Variants in TFDP2 observed in about 807,000 individuals in gnomAD.
TFDP2 encodes transcription factor Dp-2, also known as transcription factor Dp-2 (E2F dimerization partner 2).
Under a neutral mutation model 59.3 loss-of-function variants are expected in TFDP2, and 17 were observed. The ratio of observed to expected loss-of-function variants is 0.29; its 90% CI spans 0.20 to 0.43. The LOEUF (loss-of-function observed/expected upper bound fraction) is 0.43. TFDP2 is among the 20% of genes least tolerant of loss of function. The pLI is 1.00. For synonymous variants in TFDP2, 180 were observed against 194.7 expected, an observed-to-expected ratio of 0.92 and a Z score of 0.63; for missense variants, 391 against 528.8, an observed-to-expected ratio of 0.74 and a Z score of 2.56.
chr3:142,130,039 C>T (rs561133664), intron 1 of TFDP2, among the ~76,000 whole-genome samples: 70 of 152,044 alleles, frequency 4.6e-4, no homozygotes, highest in African/African-American at 1.6e-3. Context: ...GGCAGTTTCT[C>T]AAAAACGTAA....
At position 142,059,211 on chromosome 3, in the gene TFDP2, G is replaced by A. The variant is rs116338105; in HGVS notation, c.82+33850C>T. Among the ~76,000 whole-genome samples, 344 of 152,024 alleles carry A rather than the reference G, an allele frequency of 2.3e-3. 4 individuals carry two copies. The highest frequency in any genetic ancestry group is 7.8e-3 in the African/African-American group (322 of 41,400). ...TAAATTGATACATGTATCAAACAAAGCCCTGAAGCTTCAGGCCTAAGCCTC... is the reference window on the plus strand; with the variant it reads ...TAAATTGATACATGTATCAAACAAAACCCTGAAGCTTCAGGCCTAAGCCTC... On this transcript the variant is annotated intron_variant, in intron 3 of 12. Coordinates refer to ENST00000489671, the MANE Select transcript of TFDP2 (RefSeq NM_001178139.2).
At chr3:142,002,626 T>C (rs1046785225) in intron 4 of TFDP2, among the ~76,000 whole-genome samples, 3 of 152,056 alleles carry the variant, frequency 2.0e-5, no homozygotes, top group Non-Finnish European at 4.4e-5. Context: ...TCTCTATAGC[T>C]CTCCTTTTCT....
chr3:142,101,735 A>AT lies in TFDP2; in HGVS notation c.14dup (p.Asn5LysfsTer100). 1 of 1,364,822 alleles carries AT rather than the reference A, an allele frequency of 7.3e-7. No individual in the cohort carries two copies. Among genetic ancestry groups the AT allele is most frequent in the Non-Finnish European group, 9.7e-7 (1 of 1,029,352 alleles). 84.5% of individuals were successfully genotyped at this position (1,364,822 alleles called of 1,614,324 possible). A position where few individuals can be genotyped will look rare whatever the true frequency, so the allele number is the denominator to read the frequency against. On this transcript the variant is annotated frameshift_variant and splice_region_variant, in exon 2 of 13. Coordinates refer to ENST00000489671, the MANE Select transcript of TFDP2 (RefSeq NM_001178139.2). LOFTEE classifies it high-confidence loss of function. Reference sequence around the variant, plus strand: ...CATTAAAAAATTTACAAATACTTACATTTTTTGCCGTCATGTCAAACTGTA... The same window carrying AT: ...CATTAAAAAATTTACAAATACTTACATTTTTTTGCCGTCATGTCAAACTGTA...
At chr3:142,075,734 GA>G (rs530375441) in intron 3 of TFDP2, among the ~76,000 whole-genome samples, 163 of 45,538 alleles carry the variant, frequency 3.6e-3, no homozygotes, top group Middle Eastern at 0.012. Flanking sequence ...TGTCTCTACA[GA>G]AAAAAAAAAA....
intron 3 of TFDP2, among the ~76,000 whole-genome samples, chr3:142,065,761 C>T (rs918582408): frequency 2.6e-5 from 4 of 151,924 alleles, no homozygotes; most frequent in Admixed American, 6.6e-5. Flanking sequence ...GATCTGCCTG[C>T]CTCGGCCTCT....
chr3:141,977,819 T>C lies in TFDP2; in HGVS notation c.519+701A>G, dbSNP rs553060796. Reference sequence around the variant, plus strand: ...TCCGCCTCCCAGGTTCAAGCAATTCTCCTGCCTCAGCCTCCTGAGTAGCTG... The same window carrying C: ...TCCGCCTCCCAGGTTCAAGCAATTCCCCTGCCTCAGCCTCCTGAGTAGCTG... On this transcript the variant is annotated intron_variant, in intron 7 of 12. Transcript: ENST00000489671. Among the ~76,000 whole-genome samples, 12 of 151,814 alleles carry C rather than the reference T, an allele frequency of 7.9e-5. No homozygotes were observed. The South Asian group carries it at 2.5e-3, about 32-fold the overall frequency.
intron 3 of TFDP2, among the ~76,000 whole-genome samples, chr3:142,083,361 C>CA (rs1395357254): frequency 5.9e-5 from 9 of 151,890 alleles, no homozygotes; most frequent in Admixed American, 5.9e-4. Context: ...AAAGAGGACA[C>CA]AAAAAATGGA....
chr3:141,974,332 C>A, intron 7 of TFDP2, 141 bp from the exon 8 acceptor site: 3 of 607,606 alleles, frequency 4.9e-6, no homozygotes, highest in Non-Finnish European at 2.5e-6. Context: ...ACAAAAACAT[C>A]CAAAAGAATT....
chr3:142,066,317 A>T (rs1261941076), intron 3 of TFDP2, among the ~76,000 whole-genome samples: 2 of 152,242 alleles, frequency 1.3e-5, no homozygotes, highest in African/African-American at 2.4e-5. Context: ...GAAGGTAAGT[A>T]TGATGCGGTT....
intron 3 of TFDP2, among the ~76,000 whole-genome samples, chr3:142,091,363 C>A (rs755712596): frequency 6.6e-6 from 1 of 152,070 alleles, no homozygotes; most frequent in Admixed American, 6.6e-5. Flanking sequence ...GTGGCTTAAA[C>A]CTGGCCAACA....
intron 3 of TFDP2, among the ~76,000 whole-genome samples, chr3:142,010,363 C>A (rs1269102681): frequency 1.3e-5 from 2 of 152,166 alleles, no homozygotes; most frequent in East Asian, 3.9e-4. Context: ...GTAATCCCAG[C>A]ACTTTGGGAG....
At chr3:142,035,395 G>C (rs188398287) in intron 3 of TFDP2, among the ~76,000 whole-genome samples, 114 of 152,280 alleles carry the variant, frequency 7.5e-4, no homozygotes, top group Non-Finnish European at 1.4e-3. Context: ...TCAGCACTCA[G>C]AGTACACTGA....
At chr3:142,130,725 T>C (rs1293652391) in intron 1 of TFDP2, among the ~76,000 whole-genome samples, 2 of 151,968 alleles carry the variant, frequency 1.3e-5, no homozygotes, top group Non-Finnish European at 2.9e-5. Flanking sequence ...ACAATATGAA[T>C]GTACTTCCTA....
At chr3:142,126,029 C>CT (rs919969401) in intron 1 of TFDP2, 2 of 152,102 alleles carry the variant, frequency 1.3e-5, no homozygotes, top group Non-Finnish European at 2.9e-5. Context: ...CTTGAAAAGA[C>CT]TTTGTTATAT....
rs1273874652 is a variant in TFDP2, at chr3:142,121,468, GA to G, written c.-92-19628del. ...TAACTCGAGTTAAATTAGTAATAGA[GA>G]TAATTAGTTAAAATTACAGAATTAA... On this transcript the variant is annotated intron_variant, in intron 1 of 12. Coordinates refer to ENST00000489671, the MANE Select transcript of TFDP2 (RefSeq NM_001178139.2). The surrounding 1 kb of genome is among the most constrained non-coding windows in gnomAD (Gnocchi z 4.3). 6.6e-6 allele frequency among the ~76,000 whole-genome samples: 1 copy of G among 152,138 alleles called. No individual in the cohort carries two copies. Among genetic ancestry groups the G allele is most frequent in the African/African-American group, 2.4e-5 (1 of 41,440 alleles).
intron 8 of TFDP2, among the ~76,000 whole-genome samples, chr3:141,972,283 C>T (rs1351731302): frequency 6.6e-6 from 1 of 152,180 alleles, no homozygotes; most frequent in Non-Finnish European, 1.5e-5. Flanking sequence ...AACACCTCTC[C>T]AATCTCATGG....
chr3:142,070,966 T>C (rs2060227259), intron 3 of TFDP2, among the ~76,000 whole-genome samples: 1 of 152,102 alleles, frequency 6.6e-6, no homozygotes, highest in Admixed American at 6.5e-5. Context: ...CTAGGTGATA[T>C]GTATAAATAT....
intron 3 of TFDP2, among the ~76,000 whole-genome samples, chr3:142,022,397 C>G (rs1945686431): frequency 6.6e-6 from 1 of 152,160 alleles, no homozygotes; most frequent in Non-Finnish European, 1.5e-5. Context: ...TTAAAAGAGT[C>G]TGAGTGACCC....
chr3:142,041,484 T>C (rs1223639608), intron 3 of TFDP2, among the ~76,000 whole-genome samples: 1 of 152,252 alleles, frequency 6.6e-6, no homozygotes, highest in Non-Finnish European at 1.5e-5. Flanking sequence ...GCAGTTCCTC[T>C]GCACACGCTC....
Sources: gnomAD v4.1 joint callset for allele counts (sites outside exome capture counted in the v4.1 genomes callset) on GRCh38, gnomAD v4.1.1 for gene constraint, Gnocchi (gnomAD v3.1) non-coding constraint, MANE v1.5 for transcripts, NCBI Gene and HGNC (gene_info 2026-07-23, HGNC 2026-07-21) for gene names.